KIF6: variants seen among roughly 807,000 people sequenced by gnomAD.
KIF6 encodes kinesin family member 6, also known as kinesin-like protein KIF6.
A neutral mutation model predicts 112.7 loss-of-function variants in KIF6; 106 were observed. The observed-to-expected ratio is 0.94, with a 90% CI of 0.80 to 1.11. The LOEUF is 1.11. Ranked by LOEUF, KIF6 falls within the 50% of genes least tolerant of loss-of-function variation. The pLI is 0.00. For synonymous variants in KIF6, 339 were observed against 339.9 expected (o/e 1.00, Z 0.03); for missense variants, 929 against 964.0 (o/e 0.96, Z 0.48).
intron 16 of KIF6, among the ~76,000 whole-genome samples, chr6:39,381,019 G>A (rs1366363206): frequency 6.6e-6 from 1 of 152,150 alleles, no homozygotes; most frequent in Non-Finnish European, 1.5e-5. Flanking sequence ...AGCCAGCTCA[G>A]CACACCACTG....
chr6:39,632,003 G>C (rs1037508626), intron 5 of KIF6, among the ~76,000 whole-genome samples: 1 of 152,024 alleles, frequency 6.6e-6, no homozygotes, highest in African/African-American at 2.4e-5. Context: ...AATCACCTTT[G>C]ATTGTTAATT....
intron 20 of KIF6, among the ~76,000 whole-genome samples, chr6:39,346,090 C>CTCTCCCTCTCTCT (rs1562112945): frequency 5.4e-5 from 2 of 36,808 alleles, no homozygotes; most frequent in African/African-American, 3.8e-4. Context: ...CTCTCTCCCC[C>CTCTCCCTCTCTCT]CCCTCTCCCT....
At position 39,469,181 on chromosome 6, in the gene KIF6, A is replaced by G. The variant is rs527658864; in HGVS notation, c.1646-38020T>C. ...CTAGGAAAATAACTCCAAAATAAAC[A>G]ATAAAAAATCATTAGAGGGATTAAA... On this transcript the variant is annotated intron_variant, in intron 13 of 22. Coordinates refer to ENST00000287152, the MANE Select transcript of KIF6 (RefSeq NM_145027.6). Among the ~76,000 whole-genome samples the G allele has an allele frequency of 2.6e-5, 4 of 152,264 alleles. No homozygotes were observed. In the East Asian group the frequency reaches 7.7e-4, roughly 29 times the overall value.
At chr6:39,467,397 T>C (rs1171435516) in intron 13 of KIF6, among the ~76,000 whole-genome samples, 1 of 152,134 alleles carries the variant, frequency 6.6e-6, no homozygotes. Context: ...GCTCAGACAC[T>C]GTTGAAAACA....
At chr6:39,618,329 G>T (rs1340250694) in intron 5 of KIF6, among the ~76,000 whole-genome samples, 1 of 152,112 alleles carries the variant, frequency 6.6e-6, no homozygotes, top group Admixed American at 6.6e-5. Context: ...GAAGAATATA[G>T]CTGATCACAT....
intron 3 of KIF6, among the ~76,000 whole-genome samples, chr6:39,714,461 C>T (rs929851681): frequency 1.3e-5 from 2 of 152,146 alleles, no homozygotes; most frequent in African/African-American, 2.4e-5. Context: ...ATAGGAGTAA[C>T]AATAGCTAGT....
In KIF6 at chr6:39,335,132, G is replaced by A. The variant is rs1762868590; in HGVS notation, c.*1400C>T. ...CATTGGAGCTCTTAGTATTATGGGG[G>A]GTTGCAGGTATTTCAAAAATAGGCA... On this transcript the variant is annotated 3_prime_UTR_variant, in exon 23 of 23. Coordinates refer to ENST00000287152, the MANE Select transcript of KIF6 (RefSeq NM_145027.6). The A allele has an allele frequency of 6.6e-6, 1 of 152,160 alleles. No homozygotes were observed. Among genetic ancestry groups the A allele is most frequent in the Non-Finnish European group, 1.5e-5 (1 of 68,032 alleles). The allele number at this position is 152,160 out of a possible 1,614,324, so 9.4% of individuals were successfully genotyped here. A position where few individuals can be genotyped will look rare whatever the true frequency, so the allele number is the denominator to read the frequency against.
chr6:39,348,993 G>A (rs1389552156), intron 19 of KIF6, among the ~76,000 whole-genome samples: 3 of 152,188 alleles, frequency 2.0e-5, no homozygotes, highest in Admixed American at 2.0e-4. Flanking sequence ...GATGAGGCAA[G>A]GGAATCCCAA....
At chr6:39,456,317 T>C (rs894627333) in intron 13 of KIF6, among the ~76,000 whole-genome samples, 19 of 124,102 alleles carry the variant, frequency 1.5e-4, no homozygotes, top group African/African-American at 5.7e-4. Context: ...GACAAGCAAA[T>C]GCTGAGAGAT....
intron 15 of KIF6, among the ~76,000 whole-genome samples, chr6:39,396,016 C>T (rs747239655): frequency 9.2e-5 from 14 of 152,018 alleles, no homozygotes; most frequent in Non-Finnish European, 1.6e-4. Flanking sequence ...TCAGTTAGTG[C>T]TTAAAAAAAA....
intron 13 of KIF6, among the ~76,000 whole-genome samples, chr6:39,432,331 C>T (rs867871626): frequency 2.0e-5 from 3 of 152,106 alleles, no homozygotes; most frequent in Admixed American, 6.5e-5. Context: ...GTTATTGCTG[C>T]GGGAACACAG....
chr6:39,567,647 G>A (rs1019809929), intron 10 of KIF6, among the ~76,000 whole-genome samples: 7 of 148,318 alleles, frequency 4.7e-5, no homozygotes, highest in Admixed American at 2.0e-4. Flanking sequence ...TCGCTCTGTC[G>A]CCCAGGCTGG....
chr6:39,647,407 C>T (rs987647090), intron 3 of KIF6, among the ~76,000 whole-genome samples: 1 of 152,108 alleles, frequency 6.6e-6, no homozygotes, highest in Non-Finnish European at 1.5e-5. Flanking sequence ...GACCCCATGA[C>T]TCAGGCCTGG....
chr6:39,549,854 C>T (rs1403240466), intron 10 of KIF6, among the ~76,000 whole-genome samples: 2 of 152,146 alleles, frequency 1.3e-5, no homozygotes, highest in African/African-American at 4.8e-5. Flanking sequence ...ATTAAAAACA[C>T]TCATACTATA....
chr6:39,564,313 A>C (rs1780167244), intron 10 of KIF6, among the ~76,000 whole-genome samples: 1 of 152,236 alleles, frequency 6.6e-6, no homozygotes, highest in East Asian at 1.9e-4. Context: ...ATGCTCAGTT[A>C]ATGATAAACA....
chr6:39,382,501 GT>G (rs112661820), intron 16 of KIF6, among the ~76,000 whole-genome samples: 7 of 150,630 alleles, frequency 4.6e-5, no homozygotes, highest in African/African-American at 7.3e-5. Flanking sequence ...ATGTGATTTT[GT>G]TTTTTTTTAT....
intron 17 of KIF6, 140 bp from the exon 18 acceptor site, chr6:39,360,670 G>T: frequency 1.1e-6 from 1 of 873,862 alleles, no homozygotes; most frequent in Non-Finnish European, 1.7e-6. Context: ...CCCTATAGGA[G>T]CTTCGGAGGC....
At chr6:39,340,682 C>T (rs907398037) in intron 22 of KIF6, among the ~76,000 whole-genome samples, 4 of 152,110 alleles carry the variant, frequency 2.6e-5, no homozygotes, top group Non-Finnish European at 5.9e-5. Flanking sequence ...AATAAAAGTG[C>T]CTGCCCTTCA....
At chr6:39,414,204 C>T (rs1769727620) in intron 15 of KIF6, among the ~76,000 whole-genome samples, 1 of 152,186 alleles carries the variant, frequency 6.6e-6, no homozygotes, top group Admixed American at 6.5e-5. Context: ...TGCCCTTAAT[C>T]AGGCTTTCTC....
Sources: allele counts gnomAD v4.1 joint callset (sites outside exome capture counted in the v4.1 genomes callset), GRCh38; gene constraint gnomAD v4.1.1; transcripts MANE v1.5; gene names NCBI Gene and HGNC (gene_info 2026-07-23, HGNC 2026-07-21).